The following NSD1 variants were observed in gnomAD, a reference collection of about 807,000 sequenced individuals.
NSD1 encodes the protein histone-lysine N-methyltransferase, H3 lysine-36 specific.
Under a neutral mutation model 242.7 loss-of-function variants are expected in NSD1, and 26 were observed. The ratio of observed to expected loss-of-function variants is 0.11; its 90% CI spans 0.08 to 0.15. NSD1 has a LOEUF of 0.15. Among genes scored for constraint, NSD1 ranks in the 10% least tolerant of loss-of-function variants. NSD1 has a pLI of 1.00. For missense variants in NSD1, 2,495 were observed against 3,272.8 expected (o/e 0.76, Z 5.80); for synonymous variants, 1,106 against 1,178.1 (o/e 0.94, Z 1.25).
At chr5:177,183,800 A>G (rs867474207) in intron 2 of NSD1, among the ~76,000 whole-genome samples, 1 of 151,818 alleles carries the variant, frequency 6.6e-6, no homozygotes, top group Non-Finnish European at 1.5e-5. Context: ...TTCCCTTCCT[A>G]GCTTCTAGTA....
At position 177,267,787 on chromosome 5, in the gene NSD1, C is replaced by T. The variant is rs1757614514; in HGVS notation, c.5303+69C>T. On this transcript the variant is annotated intron_variant, in intron 15 of 22. Coordinates refer to ENST00000439151, the MANE Select transcript of NSD1 (RefSeq NM_022455.5). ...TTCTTGAGACCTCTCAGATACAATG[C>T]TTAACGTATTTCTAATGATCTACTT... is the stretch of plus-strand genomic sequence containing the variant. The T allele has an allele frequency of 5.5e-6, 8 of 1,444,594 alleles. No individual in the cohort carries two copies. The Admixed American group carries it at 1.2e-4, about 21-fold the overall frequency. 89.5% of individuals were successfully genotyped at this position (1,444,594 alleles called of 1,614,324 possible). A position where few individuals can be genotyped will look rare whatever the true frequency, so the allele number is the denominator to read the frequency against.
At position 177,296,598 on chromosome 5, in the gene NSD1, C is replaced by G; in HGVS notation, c.*1139C>G. 2 of 233,274 alleles carry G rather than the reference C, an allele frequency of 8.6e-6. No individual in the cohort carries two copies. Among genetic ancestry groups the G allele is most frequent in the East Asian group, 1.2e-4 (2 of 16,594 alleles). 14.5% of individuals were successfully genotyped at this position (233,274 alleles called of 1,614,324 possible). On this transcript the variant is annotated 3_prime_UTR_variant, in exon 23 of 23. Transcript: ENST00000439151. ...TCGCCTCCCTGAGAATTGCTGTGCT[C>G]TGTATTGAGAGCACCTGCCTGCTGA...
intron 2 of NSD1, among the ~76,000 whole-genome samples, chr5:177,162,900 A>G (rs1055798366): frequency 1.3e-5 from 2 of 151,850 alleles, no homozygotes; most frequent in East Asian, 3.9e-4. Context: ...CATGAGCTCA[A>G]GTGATCTACC....
At chr5:177,144,955 C>T (rs1439434375) in intron 2 of NSD1, among the ~76,000 whole-genome samples, 4 of 151,778 alleles carry the variant, frequency 2.6e-5, no homozygotes, top group African/African-American at 4.8e-5. Flanking sequence ...TGTGGTGGCA[C>T]GTGCCTGTAG....
At position 177,210,258 on chromosome 5, in the gene NSD1, A is replaced by C. The variant is rs1443463713; in HGVS notation, c.1859A>C (p.Lys620Thr). ...QRSLVCGSKV[K>T]LCYIGAGDEE... is the part of the protein sequence containing the mutation. ...AGCCTGGTGTGTGGTTCAAAAGTGA[A>C]GCTCTGCTATATTGGAGCAGGTGAT... is the stretch of plus-strand genomic sequence containing the variant. Residue 620 changes from lysine to threonine, a missense_variant, in exon 5 of 23, where the codon AAG (lysine) becomes ACG (threonine). By Grantham distance (78) the Lys-to-Thr change is moderately conservative (BLOSUM62 -1). Transcript: ENST00000439151. 6.2e-7 allele frequency: 1 copy of C among 1,600,722 alleles called. No individual in the cohort carries two copies. Among genetic ancestry groups the C allele is most frequent in the Non-Finnish European group, 8.5e-7 (1 of 1,173,596 alleles).
chr5:177,147,282 G>A (rs1359704730), intron 2 of NSD1, among the ~76,000 whole-genome samples: 1 of 151,830 alleles, frequency 6.6e-6, no homozygotes, highest in East Asian at 1.9e-4. Context: ...ATTTTTGTAT[G>A]TTTTTGTAGA....
At position 177,244,182 on chromosome 5, in the gene NSD1, C is replaced by T. The variant is rs769489324; in HGVS notation, c.4303-13C>T. ...ATTCCTCTGTAAATGGTGTTGTTTTCACTTATTTATAGTGCTATGAAGCTG... is the reference window on the plus strand; with the variant it reads ...ATTCCTCTGTAAATGGTGTTGTTTTTACTTATTTATAGTGCTATGAAGCTG... On this transcript the variant is annotated splice_polypyrimidine_tract_variant and intron_variant, in intron 8 of 22. Transcript: ENST00000439151. The T allele has an allele frequency of 6.3e-7, 1 of 1,593,268 alleles. No individual in the cohort carries two copies.
At chr5:177,140,605 G>A (rs564488144) in intron 2 of NSD1, among the ~76,000 whole-genome samples, 2 of 152,100 alleles carry the variant, frequency 1.3e-5, no homozygotes, top group Non-Finnish European at 2.9e-5. Flanking sequence ...GATCACTTGA[G>A]GCTGCAATTA....
chr5:177,137,219 C>T (rs1756411775), intron 2 of NSD1: 3 of 288,458 alleles, frequency 1.0e-5, no homozygotes, highest in Non-Finnish European at 1.9e-5. Flanking sequence ...ATTCCTTCAG[C>T]TTTAAATATT....
chr5:177,188,577 T>A lies in NSD1; in HGVS notation c.928-3307T>A, dbSNP rs539570641. Among the ~76,000 whole-genome samples, 3 of 152,344 alleles carry A rather than the reference T, an allele frequency of 2.0e-5. No individual in the cohort carries two copies. In the East Asian group the frequency reaches 5.8e-4, roughly 29 times the overall value. ...TTTAAAAGTTTTTTTAAGGTCATCA[T>A]TATTGCTTCAGCCTAGTTTATAATG... On this transcript the variant is annotated intron_variant, in intron 2 of 22. Transcript: ENST00000439151.
intron 13 of NSD1, among the ~76,000 whole-genome samples, chr5:177,259,168 T>C (rs1034476881): frequency 2.0e-5 from 3 of 152,352 alleles, no homozygotes; most frequent in African/African-American, 7.2e-5. Flanking sequence ...GGTGAATTCA[T>C]GTGTGCCAAA....
At chr5:177,241,749 A>G (rs993954172) in intron 8 of NSD1, among the ~76,000 whole-genome samples, 1 of 152,148 alleles carries the variant, frequency 6.6e-6, no homozygotes, top group Non-Finnish European at 1.5e-5. Context: ...CTGTCCTGCC[A>G]TCTGACCTGG....
At chr5:177,264,033 T>TTTTTATTTTTTA (rs1308739370) in intron 14 of NSD1, among the ~76,000 whole-genome samples, 1 of 58,216 alleles carries the variant, frequency 1.7e-5, no homozygotes, top group African/African-American at 5.4e-5. Flanking sequence ...AACCAATTTT[T>TTTTTATTTTTTA]TTTTTTTTTT....
Position 177,295,638 on chromosome 5 carries a change from AT to A in NSD1, c.*180del. 1.4e-6 allele frequency: 1 copy of A among 724,256 alleles called. No homozygotes were observed. The highest frequency in any genetic ancestry group is 2.4e-6 in the Non-Finnish European group (1 of 422,418). 44.9% of individuals were successfully genotyped at this position (724,256 alleles called of 1,614,324 possible). A position where few individuals can be genotyped will look rare whatever the true frequency, so the allele number is the denominator to read the frequency against. On this transcript the variant is annotated 3_prime_UTR_variant, in exon 23 of 23. Coordinates refer to ENST00000439151, the MANE Select transcript of NSD1 (RefSeq NM_022455.5). This position sits in a 1 kb window ranked among gnomAD's most constrained non-coding sequence, Gnocchi z 4.3. ...TTGTGACATTAGCCAGTGGGGGCTT[AT>A]GGTTGTGTGAACCATGTATGAAAAT...
intron 2 of NSD1, among the ~76,000 whole-genome samples, chr5:177,145,712 C>G (rs1261599026): frequency 2.0e-5 from 3 of 151,860 alleles, no homozygotes; most frequent in African/African-American, 7.3e-5. Flanking sequence ...AGTCCAAGAC[C>G]AGCCTGACCA....
Position 177,292,043 on chromosome 5 carries a change from G to T in NSD1, c.6348G>T (p.Glu2116Asp). The change falls in exon 22 of 23, where the codon GAG (glutamate) becomes GAT (aspartate). Residue 2116 changes from glutamate to aspartate, a missense_variant. Physicochemically the swap from Glu to Asp is conservative, Grantham distance 45. This residue lies in a region of NSD1 where 27 missense variants were observed against 33.4 expected (regional missense o/e 0.81). Coordinates refer to ENST00000439151, the MANE Select transcript of NSD1 (RefSeq NM_022455.5). ...GGACCCAGGGTGAAATCACAAAGGAGCGAGAAGATGAGTGTTTTAGTTGTG... is the reference window on the plus strand; with the variant it reads ...GGACCCAGGGTGAAATCACAAAGGATCGAGAAGATGAGTGTTTTAGTTGTG... ...KRRTQGEITK[E>D]REDECFSCGD... 6.2e-7 allele frequency: 1 copy of T among 1,614,192 alleles called. No individual in the cohort carries two copies. The highest frequency in any genetic ancestry group is 8.5e-7 in the Non-Finnish European group (1 of 1,180,020).
intron 2 of NSD1, among the ~76,000 whole-genome samples, chr5:177,187,265 C>T (rs747828956): frequency 1.2e-4 from 18 of 151,884 alleles, no homozygotes; most frequent in Non-Finnish European, 2.4e-4. Flanking sequence ...CCACCATGCT[C>T]GGCTAATCTT....
chr5:177,203,830 C>G (rs981532432), intron 3 of NSD1, among the ~76,000 whole-genome samples: 4 of 152,076 alleles, frequency 2.6e-5, no homozygotes, highest in Non-Finnish European at 4.4e-5. Context: ...TACCTGTCTA[C>G]TATCTTAATT....
rs536437463 is a variant in NSD1 at position 177,164,297 on chromosome 5, C to T, written c.928-27587C>T. 1.2e-4 allele frequency among the ~76,000 whole-genome samples: 19 copies of T among 152,040 alleles called. No homozygotes were observed. In the South Asian group the frequency reaches 3.7e-3, roughly 30 times the overall value. ...TCAGCCTCCTGAGTAGCTGGGATTA[C>T]AGGCGCCTGCCACCATGCCTGGCTA... On this transcript the variant is annotated intron_variant, in intron 2 of 22. Coordinates refer to ENST00000439151, the MANE Select transcript of NSD1 (RefSeq NM_022455.5).
Sources: allele counts gnomAD v4.1 joint callset (sites outside exome capture counted in the v4.1 genomes callset), GRCh38; gene constraint gnomAD v4.1.1; regional missense constraint gnomAD v4.1.1; non-coding constraint Gnocchi (gnomAD v3.1); transcripts MANE v1.5; gene names NCBI Gene and HGNC (gene_info 2026-07-23, HGNC 2026-07-21).